The following GNAT1 variants were observed in gnomAD, a reference collection of about 807,000 sequenced individuals.
The protein encoded by GNAT1 is G protein subunit alpha transducin 1.
A neutral mutation model predicts 40.0 loss-of-function variants in GNAT1; 36 were observed. The ratio of observed to expected loss-of-function variants is 0.90; its 90% CI spans 0.69 to 1.19. The LOEUF (loss-of-function observed/expected upper bound fraction) is 1.19. Among genes scored for constraint, GNAT1 ranks in the 50% most tolerant of loss-of-function variants. The probability of loss-of-function intolerance (pLI) is 0.00; values close to 1 mark genes in which losing one functional copy is unlikely to be tolerated. For synonymous variants in GNAT1, 195 were observed against 192.9 expected, an observed-to-expected ratio of 1.01 and a Z score of -0.09; for missense variants, 413 against 480.6, an observed-to-expected ratio of 0.86 and a Z score of 1.32.
In GNAT1 at chr3:50,197,151, G is replaced by A. The variant is rs1485575738; in HGVS notation, c.*1885G>A. Among the ~76,000 whole-genome samples, 2 of 152,068 alleles carry A rather than the reference G, an allele frequency of 1.3e-5. No homozygotes were observed. Among genetic ancestry groups the A allele is most frequent in the African/African-American group, 4.8e-5 (2 of 41,396 alleles). On this transcript the variant is annotated 3_prime_UTR_variant, in exon 9 of 9. Coordinates refer to ENST00000232461, the MANE Select transcript of GNAT1 (RefSeq NM_144499.3). ...ACAGAGGCATGCTAAGATATATTGG[G>A]GCTTGAAGCAAAGGGAAAACTATTT...
chr3:50,194,714 C>A lies in GNAT1; in HGVS notation c.863-51C>A. 1 of 1,610,814 alleles carries A rather than the reference C, an allele frequency of 6.2e-7. No individual in the cohort carries two copies. The highest frequency in any genetic ancestry group is 1.1e-5 in the South Asian group (1 of 91,026). ...CGCCCCACGATCGCGGCGCGCACCC[C>A]CCGCACGGGGAAGGAAGGGCTGAGC... is the stretch of plus-strand genomic sequence containing the variant. On this transcript the variant is annotated intron_variant, in intron 7 of 8. Coordinates refer to ENST00000232461, the MANE Select transcript of GNAT1 (RefSeq NM_144499.3). The surrounding 1 kb of genome is among the most constrained non-coding windows in gnomAD (Gnocchi z 6.1).
At position 50,194,563 on chromosome 3, in the gene GNAT1, G is replaced by T. The variant is rs77808554; in HGVS notation, c.771G>T (p.Thr257=). The T allele has an allele frequency of 1.1e-5, 17 of 1,613,542 alleles. No homozygotes were observed. The highest frequency in any genetic ancestry group is 1.7e-5 in the Admixed American group (1 of 60,010). ...NSICNHRYFA[T]TSIVLFLNKK... is the part of the protein sequence containing the mutation. ...TCTGCAACCACCGCTACTTCGCCACGACGTCCATCGTGCTCTTCCTTAACA... is the reference window on the plus strand; with the variant it reads ...TCTGCAACCACCGCTACTTCGCCACTACGTCCATCGTGCTCTTCCTTAACA... Residue 257 remains threonine, a synonymous_variant, in exon 7 of 9, where the codon ACG becomes ACT. Transcript: ENST00000232461. This position sits in a 1 kb window ranked among gnomAD's most constrained non-coding sequence, Gnocchi z 6.1.
rs755508409 is a variant in GNAT1 at position 50,191,867 on chromosome 3, A to T, written c.106+36A>T. The T allele has an allele frequency of 2.1e-5, 28 of 1,355,018 alleles. No individual in the cohort carries two copies. The Admixed American group carries it at 4.8e-4, about 23-fold the overall frequency. 83.9% of individuals were successfully genotyped at this position (1,355,018 alleles called of 1,614,324 possible). A position where few individuals can be genotyped will look rare whatever the true frequency, so the allele number is the denominator to read the frequency against. On this transcript the variant is annotated intron_variant, in intron 1 of 8. Coordinates refer to ENST00000232461, the MANE Select transcript of GNAT1 (RefSeq NM_144499.3). ...GGGCCCAGGTGGGGCCACTGCCACC[A>T]GGTCATTGGTCTGGAGGCAGGCAGG...
Position 50,191,711 on chromosome 3 carries a change from C to T in GNAT1, c.-15C>T. ...ACCACCTGCTCACTCTGTCCCTTCG[C>T]CTGCTGCTGGGACCATGGGGGCTGG... On this transcript the variant is annotated 5_prime_UTR_variant, in exon 1 of 9. Transcript: ENST00000232461. 1 of 1,588,176 alleles carries T rather than the reference C, an allele frequency of 6.3e-7. No individual in the cohort carries two copies. The highest frequency in any genetic ancestry group is 8.6e-7 in the Non-Finnish European group (1 of 1,156,444).
rs377628640 is a variant in GNAT1, at chr3:50,194,454, C to T, written c.709-47C>T. ...CCGGGAGCCCAGAGAGCAGGTGCTG[C>T]GGGTCGGACGCTACCCCGGGTGCCC... is the stretch of plus-strand genomic sequence containing the variant. On this transcript the variant is annotated intron_variant, in intron 6 of 8. Transcript: ENST00000232461. This position sits in a 1 kb window ranked among gnomAD's most constrained non-coding sequence, Gnocchi z 6.1. The T allele has an allele frequency of 1.3e-4, 214 of 1,601,032 alleles. No individual in the cohort carries two copies. In the African/African-American group the frequency reaches 2.4e-3, roughly 18 times the overall value.
At chr3:50,195,040 C>T (rs1180247711) in intron 8 of GNAT1, 84 bp downstream of exon 8, 4 of 1,021,838 alleles carry the variant, frequency 3.9e-6, no homozygotes, top group Non-Finnish European at 5.9e-6. Flanking sequence ...CCTGGAGCCT[C>T]ACCCCCAAAT....
chr3:50,194,751 TC>T lies in GNAT1; in HGVS notation c.863-11del. The T allele has an allele frequency of 6.2e-7, 1 of 1,612,978 alleles. No homozygotes were observed. The highest frequency in any genetic ancestry group is 8.5e-7 in the Non-Finnish European group (1 of 1,179,732). On this transcript the variant is annotated splice_polypyrimidine_tract_variant and intron_variant, in intron 7 of 8. Transcript: ENST00000232461. The surrounding 1 kb of genome is among the most constrained non-coding windows in gnomAD (Gnocchi z 6.1). ...AGGAAGGGCTGAGCAGAGTGAGAGC[TC>T]CCGCCCCCGCAGGACCCAACACCTA...
At position 50,194,413 on chromosome 3, in the gene GNAT1, G is replaced by T; in HGVS notation, c.709-88G>T. The T allele has an allele frequency of 2.0e-6, 3 of 1,495,060 alleles. No homozygotes were observed. Among genetic ancestry groups the T allele is most frequent in the South Asian group, 2.3e-5 (2 of 86,108 alleles). The allele number at this position is 1,495,060 out of a possible 1,614,324, so 92.6% of individuals were successfully genotyped here. On this transcript the variant is annotated intron_variant, in intron 6 of 8. Coordinates refer to ENST00000232461, the MANE Select transcript of GNAT1 (RefSeq NM_144499.3). The surrounding 1 kb of genome is among the most constrained non-coding windows in gnomAD (Gnocchi z 6.1). ...GGAGCCCTCTGAGAGCCAGCTGAGC[G>T]GGAAGCCCCGCGTGCCCGGGAGCCC...
rs1699469861 is a variant in GNAT1 at position 50,194,340 on chromosome 3, C to T, written c.708+119C>T. 7.1e-7 allele frequency: 1 copy of T among 1,416,418 alleles called. No homozygotes were observed. The highest frequency in any genetic ancestry group is 2.5e-5 in the East Asian group (1 of 40,270). 87.7% of individuals were successfully genotyped at this position (1,416,418 alleles called of 1,614,324 possible). A position where few individuals can be genotyped will look rare whatever the true frequency, so the allele number is the denominator to read the frequency against. On this transcript the variant is annotated intron_variant, in intron 6 of 8. Coordinates refer to ENST00000232461, the MANE Select transcript of GNAT1 (RefSeq NM_144499.3). The surrounding 1 kb of genome is among the most constrained non-coding windows in gnomAD (Gnocchi z 6.1). Reference sequence around the variant, plus strand: ...GGGAGGGGATGCCTGTCCCGGGCGGCCTGAGGAGGCCCGGAGGCGTTCAGC... The same window carrying T: ...GGGAGGGGATGCCTGTCCCGGGCGGTCTGAGGAGGCCCGGAGGCGTTCAGC...
At chr3:50,195,005 C>T in intron 8 of GNAT1, 49 bp downstream of exon 8, 1 of 1,351,276 alleles carries the variant, frequency 7.4e-7, no homozygotes, top group African/African-American at 1.4e-5. Context: ...CCAGCCCCGT[C>T]CAGCTCCCCA....
chr3:50,195,066 C>T, intron 8 of GNAT1, 110 bp downstream of exon 8: 1 of 789,628 alleles, frequency 1.3e-6, no homozygotes, highest in South Asian at 1.5e-5. Context: ...AGCCTACTGC[C>T]TCCAGGCCCC....
rs1034685700 is a variant in GNAT1 at position 50,193,078 on chromosome 3, T to C, written c.107-55T>C. ...GGAGGTCCCCGTCCTCCTGGCCTCC[T>C]TGCTGGAGGGGGCAGGCTGGTCAGC... On this transcript the variant is annotated intron_variant, in intron 1 of 8. Transcript: ENST00000232461. This position sits in a 1 kb window ranked among gnomAD's most constrained non-coding sequence, Gnocchi z 8.1. The C allele has an allele frequency of 2.5e-6, 4 of 1,601,508 alleles. No individual in the cohort carries two copies. Among genetic ancestry groups the C allele is most frequent in the Non-Finnish European group, 3.4e-6 (4 of 1,171,100 alleles).
At position 50,196,566 on chromosome 3, in the gene GNAT1, AT is replaced by A. The variant is rs1420700515; in HGVS notation, c.*1303del. 6.6e-6 allele frequency: 1 copy of A among 152,518 alleles called. No homozygotes were observed. The highest frequency in any genetic ancestry group is 1.5e-5 in the Non-Finnish European group (1 of 68,034). The allele number at this position is 152,518 out of a possible 1,614,324, so 9.4% of individuals were successfully genotyped here. On this transcript the variant is annotated 3_prime_UTR_variant, in exon 9 of 9. Transcript: ENST00000232461. ...GACTTAATTATCACAAGTCATGGGCATTTATTAAGTGCCCAGTGCTGGGTTG... is the reference window on the plus strand; with the variant it reads ...GACTTAATTATCACAAGTCATGGGCATTATTAAGTGCCCAGTGCTGGGTTG...
rs774024103 is a variant in GNAT1 at position 50,194,064 on chromosome 3, G to A, written c.579-28G>A. On this transcript the variant is annotated intron_variant, in intron 5 of 8. Transcript: ENST00000232461. The surrounding 1 kb of genome is among the most constrained non-coding windows in gnomAD (Gnocchi z 6.1). Reference sequence around the variant, plus strand: ...GGATGTTGCCTGTGGGGCCCGGGGCGCAGGTTCAGGCCCCCGCGGCCCCGC... The same window carrying A: ...GGATGTTGCCTGTGGGGCCCGGGGCACAGGTTCAGGCCCCCGCGGCCCCGC... The A allele has an allele frequency of 6.2e-6, 10 of 1,611,172 alleles. No individual in the cohort carries two copies. In the African/African-American group the frequency reaches 9.4e-5, roughly 15 times the overall value.
At chr3:50,195,242 A>T (rs1699484233) in intron 8 of GNAT1, 26 bp from the exon 9 acceptor site, 2 of 504,366 alleles carry the variant, frequency 4.0e-6, no homozygotes, top group Non-Finnish European at 7.2e-6. Flanking sequence ...GGTCTCAGGG[A>T]TGCTGACTGG....
rs1327802052 is a variant in GNAT1 at position 50,194,957 on chromosome 3, G to A, written c.*1+1G>A. 2 of 1,608,416 alleles carry A rather than the reference G, an allele frequency of 1.2e-6. No individual in the cohort carries two copies. The highest frequency in any genetic ancestry group is 1.7e-6 in the Non-Finnish European group (2 of 1,176,534). ...CTCAAAGACTGTGGCCTCTTCTGAGGTAGGTCGCTGCCCTCTCCAGGCTCT... is the reference window on the plus strand; with the variant it reads ...CTCAAAGACTGTGGCCTCTTCTGAGATAGGTCGCTGCCCTCTCCAGGCTCT... On this transcript the variant is annotated splice_donor_variant, in intron 8 of 8. Transcript: ENST00000232461. LOFTEE classifies it low-confidence loss of function (3UTR_SPLICE). This position sits in a 1 kb window ranked among gnomAD's most constrained non-coding sequence, Gnocchi z 6.1.
At position 50,191,734 on chromosome 3, in the gene GNAT1, T is replaced by C; in HGVS notation, c.9T>C (p.Ala3=). The C allele has an allele frequency of 6.2e-7, 1 of 1,612,348 alleles. No homozygotes were observed. The highest frequency in any genetic ancestry group is 8.5e-7 in the Non-Finnish European group (1 of 1,178,484). The part of the protein sequence containing the change: MG[A]GASAEEKHSR... ...CGCCTGCTGCTGGGACCATGGGGGC[T>C]GGGGCCAGTGCTGAGGAGAAGCACT... The change falls in exon 1 of 9, where the codon GCT becomes GCC. Residue 3 remains alanine (A), a synonymous_variant. Transcript: ENST00000232461.
At position 50,193,168 on chromosome 3, in the gene GNAT1, C is replaced by T; in HGVS notation, c.142C>T (p.Gln48Ter). 1.2e-6 allele frequency: 2 copies of T among 1,614,022 alleles called. No individual in the cohort carries two copies. The highest frequency in any genetic ancestry group is 1.1e-5 in the South Asian group (1 of 91,076). Residue 48 changes from glutamine (Q) to a stop codon, truncating the protein, a stop_gained, in exon 2 of 9, where the codon CAG becomes TAG. Transcript: ENST00000232461. LOFTEE classifies it high-confidence loss of function. This position sits in a 1 kb window ranked among gnomAD's most constrained non-coding sequence, Gnocchi z 8.1. ...GESGKSTIVK[Q>*]MKIIHQDGYS... The stretch of plus-strand genomic sequence containing the variant: ...GTCCGGGAAGAGCACCATCGTCAAG[C>T]AGATGAAGTGAGTGCCCCTGCCTGT...
Position 50,193,903 on chromosome 3 carries a change from A to G in GNAT1, c.578+22A>G. 1.9e-6 allele frequency: 3 copies of G among 1,613,136 alleles called. No homozygotes were observed. The highest frequency in any genetic ancestry group is 2.5e-6 in the Non-Finnish European group (3 of 1,179,822). ...TCCGGTACGACCCATACGCTAGCCC[A>G]GGAGGTCACTGCCCCAGGCCCCGTC... On this transcript the variant is annotated intron_variant, in intron 5 of 8. Transcript: ENST00000232461. The surrounding 1 kb of genome is among the most constrained non-coding windows in gnomAD (Gnocchi z 8.1).
Sources: gnomAD v4.1 joint callset for allele counts (sites outside exome capture counted in the v4.1 genomes callset) on GRCh38, gnomAD v4.1.1 for gene constraint, Gnocchi (gnomAD v3.1) non-coding constraint, MANE v1.5 for transcripts, NCBI Gene and HGNC (gene_info 2026-07-23, HGNC 2026-07-21) for gene names.